The following BMPR1B variants were observed in gnomAD, a reference collection of about 807,000 sequenced individuals.
BMPR1B encodes the protein bone morphogenetic protein receptor type-1B.
BMPR1B carries 12 observed loss-of-function variants against 59.1 expected under a neutral mutation model. The observed-to-expected ratio is 0.20, with a 90% CI of 0.13 to 0.33. The LOEUF (loss-of-function observed/expected upper bound fraction) is 0.33, where lower values mean the gene tolerates loss of function less well. BMPR1B is among the 10% of genes least tolerant of loss of function. BMPR1B has a pLI of 1.00. For synonymous variants in BMPR1B, 237 were observed against 207.3 expected (o/e 1.14, Z -1.23); for missense variants, 550 against 610.9 (o/e 0.90, Z 1.05).
intron 3 of BMPR1B, among the ~76,000 whole-genome samples, chr4:95,087,004 T>C (rs1390735502): frequency 0.014 from 1,993 of 139,326 alleles, 50 homozygotes; most frequent in Non-Finnish European, 0.02. Context: ...CCTTCTTTTT[T>C]TTTTTTTTTT....
chr4:95,016,865 T>C (rs1188751197), intron 3 of BMPR1B, among the ~76,000 whole-genome samples: 1 of 152,224 alleles, frequency 6.6e-6, no homozygotes, highest in East Asian at 1.9e-4. Flanking sequence ...CAACAGTTTA[T>C]ACCAAGTAAC....
intron 1 of BMPR1B, among the ~76,000 whole-genome samples, chr4:94,841,131 C>T (rs1385272399): frequency 1.3e-5 from 2 of 149,084 alleles, no homozygotes; most frequent in African/African-American, 4.9e-5. Flanking sequence ...CTCAGATCTC[C>T]AGCTGCGTGC....
Position 95,129,972 on chromosome 4 carries a change from G to C in BMPR1B, c.696G>C (p.Val232=). The change falls in exon 9 of 13, where the codon GTG becomes GTC. Residue 232 remains valine (V), a synonymous_variant. Coordinates refer to ENST00000515059, the MANE Select transcript of BMPR1B (RefSeq NM_001203.3). ...KWRGEKVAVK[V]FFTTEEASWF... is the part of the protein sequence containing the mutation. ...GTGGCGAAAAGGTAGCTGTGAAAGTGTTCTTCACCACAGAGGAAGCCAGCT... is the reference window on the plus strand; with the variant it reads ...GTGGCGAAAAGGTAGCTGTGAAAGTCTTCTTCACCACAGAGGAAGCCAGCT... The C allele has an allele frequency of 6.2e-7, 1 of 1,613,954 alleles. No homozygotes were observed. Among genetic ancestry groups the C allele is most frequent in the Non-Finnish European group, 8.5e-7 (1 of 1,179,908 alleles).
chr4:95,027,369 G>A (rs1724501243), intron 3 of BMPR1B, among the ~76,000 whole-genome samples: 1 of 152,166 alleles, frequency 6.6e-6, no homozygotes, highest in Admixed American at 6.5e-5. Context: ...ATTAAAAGAT[G>A]TAGAAGAAAA....
chr4:94,921,602 A>G (rs28534678), intron 2 of BMPR1B, among the ~76,000 whole-genome samples: 36,910 of 152,018 alleles, frequency 0.24, 5,423 homozygotes, highest in African/African-American at 0.41. Context: ...ACCCACATTC[A>G]TGAGGACAGC....
intron 10 of BMPR1B, among the ~76,000 whole-genome samples, chr4:95,132,552 A>G (rs1261570836): frequency 6.6e-6 from 1 of 152,164 alleles, no homozygotes; most frequent in Non-Finnish European, 1.5e-5. Flanking sequence ...GATTTGGGCT[A>G]TAGATTTAAG....
At chr4:94,940,182 G>T (rs1729455666) in intron 2 of BMPR1B, among the ~76,000 whole-genome samples, 1 of 152,182 alleles carries the variant, frequency 6.6e-6, no homozygotes, top group East Asian at 1.9e-4. Flanking sequence ...GTAAATTGAG[G>T]CATTTTCAAT....
At chr4:94,983,906 C>T (rs1276920853) in intron 2 of BMPR1B, among the ~76,000 whole-genome samples, 1 of 152,158 alleles carries the variant, frequency 6.6e-6, no homozygotes, top group African/African-American at 2.4e-5. Flanking sequence ...TCTAGAGTGC[C>T]AGGCCCATAA....
intron 1 of BMPR1B, among the ~76,000 whole-genome samples, chr4:94,766,430 T>TC (rs1721971155): frequency 1.3e-5 from 2 of 149,422 alleles, no homozygotes; most frequent in African/African-American, 4.9e-5. Context: ...TTTTTTAAAC[T>TC]CTTTTTCTTT....
chr4:94,865,194 A>G (rs568191074), intron 1 of BMPR1B, among the ~76,000 whole-genome samples: 12 of 151,808 alleles, frequency 7.9e-5, no homozygotes, highest in Admixed American at 7.9e-4. Context: ...TTTTCAGTAG[A>G]GATGGAGTTA....
chr4:95,116,417 G>A (rs1036300640), intron 6 of BMPR1B, among the ~76,000 whole-genome samples: 2,370 of 51,298 alleles, frequency 0.046, 68 homozygotes, highest in African/African-American at 0.22. Flanking sequence ...TGCTTTCAGC[G>A]CGCGCACACA....
At chr4:94,807,180 T>C (rs914479838) in intron 1 of BMPR1B, among the ~76,000 whole-genome samples, 2 of 152,098 alleles carry the variant, frequency 1.3e-5, no homozygotes, top group Non-Finnish European at 2.9e-5. Context: ...CTGCAATCTC[T>C]GCCTCCCAGG....
At chr4:94,933,144 A>G (rs954952397) in intron 2 of BMPR1B, among the ~76,000 whole-genome samples, 1 of 152,184 alleles carries the variant, frequency 6.6e-6, no homozygotes, top group Non-Finnish European at 1.5e-5. Flanking sequence ...GAATTAAGCT[A>G]TTCATAAAGT....
rs184615051 is a variant in BMPR1B, at chr4:94,777,693, A to G, written c.-183+19625A>G. On this transcript the variant is annotated intron_variant, in intron 1 of 12. Transcript: ENST00000515059. ...TGTAGCAGAGATTGGGCCAGAAAACAGGTTGTCTGATTCCTGCTCTTTTCT... is the reference window on the plus strand; with the variant it reads ...TGTAGCAGAGATTGGGCCAGAAAACGGGTTGTCTGATTCCTGCTCTTTTCT... Among the ~76,000 whole-genome samples, 642 of 152,300 alleles carry G rather than the reference A, an allele frequency of 4.2e-3. 3 individuals carry two copies. Among genetic ancestry groups the G allele is most frequent in the Middle Eastern group, 6.8e-3 (2 of 294 alleles).
chr4:94,919,889 T>C (rs1219529083), intron 2 of BMPR1B, among the ~76,000 whole-genome samples: 1 of 152,232 alleles, frequency 6.6e-6, no homozygotes, highest in Non-Finnish European at 1.5e-5. Flanking sequence ...AAAATACTGA[T>C]GAATAAAAGT....
chr4:95,087,377 T>A (rs1227156592), intron 3 of BMPR1B, among the ~76,000 whole-genome samples: 3 of 152,196 alleles, frequency 2.0e-5, no homozygotes, highest in Non-Finnish European at 4.4e-5. Flanking sequence ...TGTGTGTGTG[T>A]GTGTTTACAG....
At position 95,051,674 on chromosome 4, in the gene BMPR1B, G is replaced by A. The variant is rs760705595; in HGVS notation, c.-17-52734G>A. ...AGAAACAGGAGGCTTAAACAGGCAGGGCACATTGACTGCTCTGCTGCTGCA... is the reference window on the plus strand; with the variant it reads ...AGAAACAGGAGGCTTAAACAGGCAGAGCACATTGACTGCTCTGCTGCTGCA... On this transcript the variant is annotated intron_variant, in intron 3 of 12. Coordinates refer to ENST00000515059, the MANE Select transcript of BMPR1B (RefSeq NM_001203.3). The A allele has an allele frequency of 5.3e-5, 81 of 1,532,850 alleles. No homozygotes were observed. In the Middle Eastern group the frequency reaches 1.2e-3, roughly 22 times the overall value. 95.0% of individuals were successfully genotyped at this position (1,532,850 alleles called of 1,614,324 possible).
intron 10 of BMPR1B, 77 bp from the exon 11 acceptor site, chr4:95,148,671 A>G (rs1308329788): frequency 2.8e-6 from 4 of 1,451,556 alleles, no homozygotes; most frequent in Non-Finnish European, 3.9e-6. Context: ...AACTAAAGCC[A>G]TTGTTTCAGA....
intron 6 of BMPR1B, among the ~76,000 whole-genome samples, chr4:95,117,269 G>A (rs1309245000): frequency 6.6e-6 from 1 of 152,146 alleles, no homozygotes; most frequent in Non-Finnish European, 1.5e-5. Context: ...CCTCACAGCA[G>A]CCCTGTGAAG....
Sources: gnomAD v4.1 joint callset for allele counts (sites outside exome capture counted in the v4.1 genomes callset) on GRCh38, gnomAD v4.1.1 for gene constraint, MANE v1.5 for transcripts, NCBI Gene and HGNC (gene_info 2026-07-23, HGNC 2026-07-21) for gene names.